ATL2: variants seen among roughly 807,000 people sequenced by gnomAD.
ATL2 encodes atlastin GTPase 2.
A neutral mutation model predicts 73.9 loss-of-function variants in ATL2; 31 were observed. That is an observed-to-expected ratio of 0.42 (90% CI 0.32 to 0.57). The LOEUF (loss-of-function observed/expected upper bound fraction) is 0.57. ATL2 is among the 20% of genes least tolerant of loss of function. The pLI, the probability that ATL2 is intolerant of heterozygous loss-of-function variation, is 0.14. For missense variants in ATL2, 738 were observed against 702.6 expected (o/e 1.05, Z -0.57); for synonymous variants, 291 against 237.5 (o/e 1.23, Z -2.07).
Position 38,313,308 on chromosome 2 carries a change from C to A in ATL2, c.712-65G>T, listed in dbSNP as rs1468631566. On this transcript the variant is annotated intron_variant, in intron 6 of 12. Transcript: ENST00000378954. ...AAGAAAATTTACGAAAAAATCACAA[C>A]TCTTAACAATTGAAGCCTCTCTTAC... is the stretch of plus-strand genomic sequence containing the variant. The A allele has an allele frequency of 3.4e-6, 4 of 1,191,666 alleles. No individual in the cohort carries two copies. In the African/African-American group the frequency reaches 6.2e-5, roughly 18 times the overall value. The allele number at this position is 1,191,666 out of a possible 1,614,324, so 73.8% of individuals were successfully genotyped here.
chr2:38,317,310 C>T (rs891714664), intron 4 of ATL2, among the ~76,000 whole-genome samples: 3 of 152,058 alleles, frequency 2.0e-5, no homozygotes, highest in African/African-American at 4.8e-5. Context: ...CGCCATACTT[C>T]AATAATTCAT....
At chr2:38,349,723 C>G (rs1314873734) in intron 1 of ATL2, among the ~76,000 whole-genome samples, 1 of 151,752 alleles carries the variant, frequency 6.6e-6, no homozygotes, top group Non-Finnish European at 1.5e-5. Flanking sequence ...GGCAGAAAAC[C>G]TTTGTTAACT....
At chr2:38,299,351 T>C (rs776417646) in intron 10 of ATL2, 24 bp from the exon 11 acceptor site, 217 of 1,520,124 alleles carry the variant, frequency 1.4e-4, no homozygotes, top group Non-Finnish European at 4.1e-5. Context: ...TATGCCATTA[T>C]TATGCAAAAA....
chr2:38,298,557 G>C lies in ATL2; in HGVS notation c.1219C>G (p.Pro407Ala), dbSNP rs771998613. ...SMEQVCGGDKPYIAPSDLERK... is the reference protein window; with the variant it reads ...SMEQVCGGDKAYIAPSDLERK... ...TCCAGATCTGAAGGTGCAATGTAAG[G>C]CTTGTCCCCTCCACATACCTGGACA... Residue 407 changes from proline (P) to alanine (A), a missense_variant, in exon 12 of 13, where the codon CCT becomes GCT. Coordinates refer to ENST00000378954, the MANE Select transcript of ATL2 (RefSeq NM_001135673.4). 6.2e-7 allele frequency: 1 copy of C among 1,613,884 alleles called. No homozygotes were observed. The highest frequency in any genetic ancestry group is 2.2e-5 in the East Asian group (1 of 44,882).
At chr2:38,351,034 G>C (rs535351721) in intron 1 of ATL2, among the ~76,000 whole-genome samples, 24 of 152,054 alleles carry the variant, frequency 1.6e-4, no homozygotes. Flanking sequence ...AGAGAACAAA[G>C]AATAATTCAC....
At chr2:38,327,869 G>GAGGTTGCAGTGAGCCGA (rs1322022049) in intron 2 of ATL2, among the ~76,000 whole-genome samples, 2 of 152,202 alleles carry the variant, frequency 1.3e-5, no homozygotes, top group African/African-American at 4.8e-5. Flanking sequence ...CAGAGAGGCG[G>GAGGTTGCAGTGAGCCGA]AGGTTGCAGT....
At chr2:38,316,806 C>CA (rs375009994) in intron 4 of ATL2, among the ~76,000 whole-genome samples, 1 of 151,670 alleles carries the variant, frequency 6.6e-6, no homozygotes, top group Non-Finnish European at 1.5e-5. Flanking sequence ...AATAAATAAA[C>CA]AAAAAAAGAC....
chr2:38,296,428 T>C, intron 12 of ATL2: 12 of 1,555,916 alleles, frequency 7.7e-6, no homozygotes, highest in Non-Finnish European at 1.0e-5. Context: ...CTGCTTATTG[T>C]CCTACATGTG....
intron 1 of ATL2, among the ~76,000 whole-genome samples, chr2:38,354,877 C>A (rs36049714): frequency 0.25 from 37,312 of 151,520 alleles, 4,649 homozygotes; most frequent in South Asian, 0.35. Context: ...GTAAGAAGAG[C>A]GAAACTCTTT....
At chr2:38,300,425 C>T (rs1295727063) in intron 9 of ATL2, 97 bp from the exon 10 acceptor site, 1 of 777,320 alleles carries the variant, frequency 1.3e-6, no homozygotes, top group Non-Finnish European at 2.1e-6. Flanking sequence ...ATAATTAACA[C>T]CATTAAAAGT....
chr2:38,307,922 T>G (rs1021093964), intron 9 of ATL2, among the ~76,000 whole-genome samples: 3 of 152,190 alleles, frequency 2.0e-5, no homozygotes, highest in Non-Finnish European at 4.4e-5. Context: ...TTTCTCCATT[T>G]AAAATTGTTT....
At chr2:38,323,032 C>G (rs748368349) in intron 2 of ATL2, among the ~76,000 whole-genome samples, 2 of 152,216 alleles carry the variant, frequency 1.3e-5, no homozygotes, top group Non-Finnish European at 2.9e-5. Flanking sequence ...TGTGGAACCT[C>G]TACCATGTGC....
In ATL2 at chr2:38,331,114, C is replaced by T. The variant is rs557809302; in HGVS notation, c.364-12095G>A. 3.3e-5 allele frequency among the ~76,000 whole-genome samples: 5 copies of T among 151,720 alleles called. 1 individual carries two copies. In the South Asian group the frequency reaches 6.2e-4, roughly 19 times the overall value. Reference sequence around the variant, plus strand: ...GAGTTCGAGACAAACCTGGGCAACACGGTGAAACCCTGTCTCTACTAACAT... The same window carrying T: ...GAGTTCGAGACAAACCTGGGCAACATGGTGAAACCCTGTCTCTACTAACAT... On this transcript the variant is annotated intron_variant, in intron 2 of 12. Coordinates refer to ENST00000378954, the MANE Select transcript of ATL2 (RefSeq NM_001135673.4).
chr2:38,350,004 T>C (rs1353945498), intron 1 of ATL2, among the ~76,000 whole-genome samples: 2 of 152,130 alleles, frequency 1.3e-5, no homozygotes, highest in African/African-American at 2.4e-5. Context: ...CATCAAACAC[T>C]GATATAAGCA....
At chr2:38,334,252 ACTCCTGGC>A (rs1448401091) in intron 2 of ATL2, among the ~76,000 whole-genome samples, 35 of 148,890 alleles carry the variant, frequency 2.4e-4, no homozygotes, top group African/African-American at 7.7e-4. Flanking sequence ...CCGGTCTTGA[ACTCCTGGC>A]CTCAAGCAGT....
At chr2:38,301,680 C>G (rs1558385680) in intron 9 of ATL2, among the ~76,000 whole-genome samples, 1 of 152,326 alleles carries the variant, frequency 6.6e-6, no homozygotes, top group East Asian at 1.9e-4. Flanking sequence ...TTTAGACCAG[C>G]CCTAGGCAGC....
rs541325892 is a variant in ATL2 at position 38,365,134 on chromosome 2, TACACACACACACAC to T, written c.118+11995_118+12008del. Reference sequence around the variant, plus strand: ...GGATAGCCAGTTAGCAAGGGAATCATACACACACACACACACACACACACACACACAAATACACA... The same window carrying T: ...GGATAGCCAGTTAGCAAGGGAATCATACACACACACACACACAAATACACA... On this transcript the variant is annotated intron_variant, in intron 1 of 12. Transcript: ENST00000378954. 2.3e-5 allele frequency among the ~76,000 whole-genome samples: 3 copies of T among 132,686 alleles called. No homozygotes were observed. In the East Asian group the frequency reaches 6.8e-4, roughly 30 times the overall value. The allele number at this position is 132,686 out of a possible 152,430, so 87.0% of individuals were successfully genotyped here.
At chr2:38,304,399 G>GTTCTTTCT (rs1336198394) in intron 9 of ATL2, among the ~76,000 whole-genome samples, 1 of 152,166 alleles carries the variant, frequency 6.6e-6, no homozygotes, top group African/African-American at 2.4e-5. Flanking sequence ...GTTAAAGAGA[G>GTTCTTTCT]TTCTTCAATC....
chr2:38,351,582 C>T (rs974740593), intron 1 of ATL2, among the ~76,000 whole-genome samples: 4 of 151,846 alleles, frequency 2.6e-5, no homozygotes, highest in Non-Finnish European at 5.9e-5. Context: ...CAACCTCCAC[C>T]TCCCAGGTTC....
Sources: allele counts gnomAD v4.1 joint callset (sites outside exome capture counted in the v4.1 genomes callset), GRCh38; gene constraint gnomAD v4.1.1; transcripts MANE v1.5; gene names NCBI Gene and HGNC (gene_info 2026-07-23, HGNC 2026-07-21).